The following MYO6 variants were observed in gnomAD, a reference collection of about 807,000 sequenced individuals.
The protein encoded by MYO6 is unconventional myosin-VI.
A neutral mutation model predicts 178.7 loss-of-function variants in MYO6; 74 were observed. The ratio of observed to expected loss-of-function variants is 0.41; its 90% CI spans 0.34 to 0.50. The LOEUF is 0.50. Ranked by LOEUF, MYO6 falls within the 20% of genes least tolerant of loss-of-function variation. MYO6 has a pLI of 0.09. For synonymous variants in MYO6, 477 were observed against 504.6 expected (o/e 0.95, Z 0.73); for missense variants, 1,330 against 1,547.4 (o/e 0.86, Z 2.36).
intron 1 of MYO6, among the ~76,000 whole-genome samples, chr6:75,765,394 C>T (rs1405474584): frequency 6.6e-6 from 1 of 151,926 alleles, no homozygotes; most frequent in African/African-American, 2.4e-5. Flanking sequence ...CCAGACTGGT[C>T]TTGAATTCCT....
chr6:75,892,537 T>A lies in MYO6; in HGVS notation c.2954T>A (p.Val985Glu). 6.2e-7 allele frequency: 1 copy of A among 1,614,006 alleles called. No homozygotes were observed. The highest frequency in any genetic ancestry group is 8.5e-7 in the Non-Finnish European group (1 of 1,180,030). Reference sequence around the variant, plus strand: ...GCTTTCTGCCCTTGTCAGGCTGAAGTGGAGGCACAGCTGGCCCGACAGAAG... The same window carrying A: ...GCTTTCTGCCCTTGTCAGGCTGAAGAGGAGGCACAGCTGGCCCGACAGAAG... Reference protein sequence around the residue: ...EDDEKRIQAEVEAQLARQKEE... With the variant: ...EDDEKRIQAEEEAQLARQKEE... The change falls in exon 28 of 35, where the codon GTG becomes GAG. Residue 985 changes from valine to glutamate, a missense_variant. By Grantham distance (121) the Val-to-Glu change is moderately radical. Around this residue, in one of 3 missense-constraint regions of MYO6, gnomAD observed 601 missense variants for 626.1 expected, o/e 0.96. Coordinates refer to ENST00000369977, the MANE Select transcript of MYO6 (RefSeq NM_004999.4).
At chr6:75,905,481 C>G (rs1238055782) in intron 30 of MYO6, among the ~76,000 whole-genome samples, 1 of 152,234 alleles carries the variant, frequency 6.6e-6, no homozygotes, top group South Asian at 2.1e-4. Context: ...ACCCAATTTT[C>G]CAGGTGCCGT....
chr6:75,787,996 A>G (rs1194473510), intron 1 of MYO6, among the ~76,000 whole-genome samples: 12 of 151,538 alleles, frequency 7.9e-5, no homozygotes, highest in African/African-American at 2.9e-4. Flanking sequence ...CCTGGGCTCA[A>G]GTAATTCTCC....
At chr6:75,819,475 G>A (rs919221588) in intron 2 of MYO6, among the ~76,000 whole-genome samples, 6 of 152,182 alleles carry the variant, frequency 3.9e-5, no homozygotes, top group Admixed American at 6.5e-5. Context: ...CAGTGTGTGC[G>A]CAGTGGAAGT....
chr6:75,753,813 T>A (rs1405521971), intron 1 of MYO6, among the ~76,000 whole-genome samples: 2 of 152,206 alleles, frequency 1.3e-5, no homozygotes, highest in East Asian at 3.8e-4. Flanking sequence ...AAAATGGTTC[T>A]GATTTTATTT....
chr6:75,857,062 T>TA (rs1562252995), intron 12 of MYO6, 35 bp from the exon 13 acceptor site: 1 of 1,609,240 alleles, frequency 6.2e-7, no homozygotes, highest in Non-Finnish European at 8.5e-7. Flanking sequence ...TGCACTATTA[T>TA]AAAGAATTTT....
rs762708214 is a variant in MYO6 at position 75,832,996 on chromosome 6, T to TC, written c.497+55dup. On this transcript the variant is annotated intron_variant, in intron 6 of 34. Coordinates refer to ENST00000369977, the MANE Select transcript of MYO6 (RefSeq NM_004999.4). Reference sequence around the variant, plus strand: ...TATTTGAGTAGGTTGATCTTTTTTTTCCCCCCTTGAGATAGGGTCTTACTG... The same window carrying TC: ...TATTTGAGTAGGTTGATCTTTTTTTTCCCCCCCTTGAGATAGGGTCTTACTG... 6.8e-6 allele frequency: 9 copies of TC among 1,329,948 alleles called. No homozygotes were observed. In the East Asian group the frequency reaches 6.9e-5, roughly 10 times the overall value. 82.4% of individuals were successfully genotyped at this position (1,329,948 alleles called of 1,614,324 possible).
intron 1 of MYO6, among the ~76,000 whole-genome samples, chr6:75,770,353 A>AGTT (rs1439068678): frequency 6.6e-6 from 1 of 152,254 alleles, no homozygotes; most frequent in African/African-American, 2.4e-5. Context: ...AAAGATACAA[A>AGTT]GAGAAATTCC....
chr6:75,824,456 T>A (rs1772227864), intron 3 of MYO6, among the ~76,000 whole-genome samples: 1 of 152,166 alleles, frequency 6.6e-6, no homozygotes, highest in Non-Finnish European at 1.5e-5. Flanking sequence ...TGTCACTTAG[T>A]ACTTTCATCT....
chr6:75,794,123 C>T (rs538189623), intron 1 of MYO6, among the ~76,000 whole-genome samples: 20 of 151,588 alleles, frequency 1.3e-4, no homozygotes, highest in South Asian at 2.1e-4. Flanking sequence ...ATTCCCAAGA[C>T]GGTGGAATAA....
At chr6:75,816,586 T>C (rs1241951511) in intron 1 of MYO6, among the ~76,000 whole-genome samples, 4 of 152,224 alleles carry the variant, frequency 2.6e-5, no homozygotes, top group Non-Finnish European at 5.9e-5. Context: ...TACATTTCAC[T>C]GTATGTCAGT....
chr6:75,863,535 G>C (rs976150819), intron 16 of MYO6, among the ~76,000 whole-genome samples: 45 of 152,060 alleles, frequency 3.0e-4, no homozygotes, highest in African/African-American at 1.0e-3. Context: ...ACCCAGGCTG[G>C]AGTGCAATGG....
intron 17 of MYO6, 138 bp from the exon 18 acceptor site, chr6:75,866,794 A>G: frequency 9.2e-7 from 1 of 1,083,934 alleles, no homozygotes; most frequent in Non-Finnish European, 1.4e-6. Context: ...CAGTGTCCAC[A>G]CTGACTAGTG....
intron 1 of MYO6, among the ~76,000 whole-genome samples, chr6:75,781,876 C>A (rs528710417): frequency 1.6e-4 from 23 of 145,432 alleles, no homozygotes; most frequent in Non-Finnish European, 3.0e-4. Context: ...CGAGATCGCG[C>A]CACTGTACTC....
intron 9 of MYO6, among the ~76,000 whole-genome samples, chr6:75,843,633 C>G (rs1156681529): frequency 6.6e-6 from 1 of 152,072 alleles, no homozygotes; most frequent in Non-Finnish European, 1.5e-5. Flanking sequence ...TTTATTTTGG[C>G]TCTACATGTT....
Position 75,915,280 on chromosome 6 carries a change from C to T in MYO6, c.*268C>T, listed in dbSNP as rs1175578420. On this transcript the variant is annotated 3_prime_UTR_variant, in exon 35 of 35. Coordinates refer to ENST00000369977, the MANE Select transcript of MYO6 (RefSeq NM_004999.4). ...CACATGGGCATATTCTGATGTTTCT[C>T]ATCCTTTGCCAGAAGACTACCTTAC... 6 of 483,208 alleles carry T rather than the reference C, an allele frequency of 1.2e-5. No individual in the cohort carries two copies. The highest frequency in any genetic ancestry group is 6.4e-5 in the South Asian group (3 of 47,068). The allele number at this position is 483,208 out of a possible 1,614,324, so 29.9% of individuals were successfully genotyped here.
rs769454561 is a variant in MYO6, at chr6:75,914,934, G to A, written c.3780G>A (p.Gln1260=). The part of the protein sequence containing the change: ...EEIWERCGGI[Q]YLQNAIESRQ... Reference sequence around the variant, plus strand: ...TCTGGGAACGCTGTGGAGGCATCCAGTACCTTCAGAATGCGATTGAGAGCA... The same window carrying A: ...TCTGGGAACGCTGTGGAGGCATCCAATACCTTCAGAATGCGATTGAGAGCA... The change falls in exon 35 of 35, where the codon CAG becomes CAA. Residue 1260 remains glutamine (Q), a synonymous_variant. Coordinates refer to ENST00000369977, the MANE Select transcript of MYO6 (RefSeq NM_004999.4). 6 of 1,614,126 alleles carry A rather than the reference G, an allele frequency of 3.7e-6. No individual in the cohort carries two copies. Among genetic ancestry groups the A allele is most frequent in the Non-Finnish European group, 5.1e-6 (6 of 1,180,018 alleles).
chr6:75,833,141 C>A (rs1330457314), intron 6 of MYO6, among the ~76,000 whole-genome samples, 194 bp downstream of exon 6: 1 of 152,202 alleles, frequency 6.6e-6, no homozygotes, highest in African/African-American at 2.4e-5. Flanking sequence ...CACATGCCAC[C>A]ATGCCCTGCT....
At chr6:75,761,761 G>A (rs979475424) in intron 1 of MYO6, among the ~76,000 whole-genome samples, 8 of 150,736 alleles carry the variant, frequency 5.3e-5, no homozygotes, top group South Asian at 2.1e-4. Flanking sequence ...CTGCTATTTG[G>A]TATATAACAC....
Sources: allele counts gnomAD v4.1 joint callset (sites outside exome capture counted in the v4.1 genomes callset), GRCh38; gene constraint gnomAD v4.1.1; regional missense constraint gnomAD v4.1.1; transcripts MANE v1.5; gene names NCBI Gene and HGNC (gene_info 2026-07-23, HGNC 2026-07-21).